Variants in CYP11B1 observed in about 807,000 individuals in gnomAD.
CYP11B1 encodes the protein cytochrome P450 11B1, mitochondrial.
A neutral mutation model predicts 48.3 loss-of-function variants in CYP11B1; 34 were observed. That is an observed-to-expected ratio of 0.70 (90% CI 0.54 to 0.94). The LOEUF is 0.94. Among genes scored for constraint, CYP11B1 ranks in the 40% least tolerant of loss-of-function variants. The pLI, the probability that CYP11B1 is intolerant of heterozygous loss-of-function variation, is 0.00. For missense variants in CYP11B1, 688 were observed against 657.4 expected, an observed-to-expected ratio of 1.05 and a Z score of -0.51; for synonymous variants, 291 against 262.5, an observed-to-expected ratio of 1.11 and a Z score of -1.05.
In CYP11B1 at chr8:142,876,882, C is replaced by T; in HGVS notation, c.599G>A (p.Ser200Asn). The T allele has an allele frequency of 6.2e-7, 1 of 1,614,204 alleles. No individual in the cohort carries two copies. The highest frequency in any genetic ancestry group is 8.5e-7 in the Non-Finnish European group (1 of 1,180,030). The change falls in exon 4 of 9, where the codon AGC (serine) becomes AAC (asparagine). Residue 200 changes from serine (S) to asparagine (N), a missense_variant. Physicochemically the swap from Ser to Asn is conservative, Grantham distance 46. Coordinates refer to ENST00000292427, the MANE Select transcript of CYP11B1 (RefSeq NM_000497.4). ...PSIFHYTIEA[S>N]NLALFGERLG... Reference sequence around the variant, plus strand: ...CCGCTCTCCAAAAAGAGCCAAGTTGCTGGCTGCGGGGAGGATGCACTGCTG... The same window carrying T: ...CCGCTCTCCAAAAAGAGCCAAGTTGTTGGCTGCGGGGAGGATGCACTGCTG...
Position 142,875,121 on chromosome 8 carries a change from G to A in CYP11B1, c.1234C>T (p.Arg412Cys), listed in dbSNP as rs754240896. 2.2e-5 allele frequency: 35 copies of A among 1,614,272 alleles called. No individual in the cohort carries two copies. The highest frequency in any genetic ancestry group is 3.0e-5 in the Non-Finnish European group (35 of 1,180,046). ...GGCCTCGGGAACAAGGCGGGGTTGC[G>A]ACCCAGAGAGTAGAGGAACACGCGC... ...LVRVFLYSLG[R>C]NPALFPRPER... The change falls in exon 8 of 9, where the codon CGC becomes TGC. Residue 412 changes from arginine (R) to cysteine (C), a missense_variant. Transcript: ENST00000292427.
chr8:142,875,954 C>T (rs888938292), intron 5 of CYP11B1, 76 bp from the exon 6 acceptor site: 5 of 1,578,462 alleles, frequency 3.2e-6, no homozygotes, highest in African/African-American at 1.3e-5. Context: ...CCAGGACAAC[C>T]TCCCTGTGAG....
chr8:142,876,181 A>C (rs1586558562), intron 5 of CYP11B1, 60 bp downstream of exon 5: 2 of 1,610,148 alleles, frequency 1.2e-6, no homozygotes, highest in African/African-American at 2.7e-5. Context: ...ATTGGCAGGC[A>C]GTGCCTGGGA....
chr8:142,876,589 G>C, intron 4 of CYP11B1, 93 bp downstream of exon 4: 2 of 1,555,738 alleles, frequency 1.3e-6, no homozygotes, highest in Non-Finnish European at 1.7e-6. Flanking sequence ...ACCCCTCCCT[G>C]TGGCCTCCAT....
At position 142,873,888 on chromosome 8, in the gene CYP11B1, G is replaced by A. The variant is rs886062737; in HGVS notation, c.*485C>T. ...CTTTCAGAGAGCTCAGGGCATGCTC[G>A]AGCTGCCTAGGGGTCAGGCTGCAGG... is the stretch of plus-strand genomic sequence containing the variant. On this transcript the variant is annotated 3_prime_UTR_variant, in exon 9 of 9. Transcript: ENST00000292427. 5.5e-5 allele frequency: 12 copies of A among 217,204 alleles called. 1 individual carries two copies. The South Asian group carries it at 1.0e-3, about 19-fold the overall frequency. The allele number at this position is 217,204 out of a possible 1,614,324, so 13.5% of individuals were successfully genotyped here. A position where few individuals can be genotyped will look rare whatever the true frequency, so the allele number is the denominator to read the frequency against.
At chr8:142,878,107 A>C (rs1042491570) in intron 2 of CYP11B1, among the ~76,000 whole-genome samples, 1 of 152,184 alleles carries the variant, frequency 6.6e-6, no homozygotes, top group Non-Finnish European at 1.5e-5. Flanking sequence ...ATGCAGGTAC[A>C]GAGAAACACA....
intron 3 of CYP11B1, 22 bp downstream of exon 3, chr8:142,877,001 G>T (rs1396202891): frequency 6.2e-7 from 1 of 1,613,008 alleles, no homozygotes; most frequent in Non-Finnish European, 8.5e-7. Flanking sequence ...TCTGAGGCTG[G>T]ATCTTCCCAC....
intron 5 of CYP11B1, 138 bp from the exon 6 acceptor site, chr8:142,876,016 T>C (rs1310153929): frequency 1.6e-6 from 2 of 1,212,960 alleles, no homozygotes; most frequent in Admixed American, 4.0e-5. Context: ...CTTCAAATCC[T>C]AATGCCCATC....
chr8:142,878,035 ACAC>A (rs1326405511), intron 2 of CYP11B1, among the ~76,000 whole-genome samples: 1 of 145,540 alleles, frequency 6.9e-6, no homozygotes, highest in Non-Finnish European at 1.5e-5. Context: ...TCGTGCACAC[ACAC>A]CACACATACA....
In CYP11B1 at chr8:142,879,184, G is replaced by A. The variant is rs9657022; in HGVS notation, c.243C>T (p.Tyr81=). 7.5e-3 allele frequency: 12,070 copies of A among 1,613,716 alleles called. 48 individuals are homozygous for A. Among genetic ancestry groups the A allele is most frequent in the Admixed American group, 9.0e-3 (537 of 59,994 alleles). ...TFQELGPIFR[Y]DLGGAGMVCV... is the part of the protein sequence containing the mutation. Reference sequence around the variant, plus strand: ...ACACCATGCCTGCTCCTCCCAAGTCGTACCTGTGGGGCCAAGCACGAGGCC... The same window carrying A: ...ACACCATGCCTGCTCCTCCCAAGTCATACCTGTGGGGCCAAGCACGAGGCC... The change falls in exon 2 of 9, where the codon TAC becomes TAT. Residue 81 remains tyrosine (Y), a synonymous_variant. Transcript: ENST00000292427.
intron 2 of CYP11B1, chr8:142,877,913 T>A (rs1209757941): frequency 8.4e-7 from 1 of 1,195,724 alleles, no homozygotes; most frequent in East Asian, 2.4e-5. Flanking sequence ...AAGATGCACA[T>A]GCTCACATGC....
At position 142,876,046 on chromosome 8, in the gene CYP11B1, C is replaced by T. The variant is rs1440356398; in HGVS notation, c.955-168G>A. The T allele has an allele frequency of 2.7e-6, 3 of 1,120,172 alleles. No individual in the cohort carries two copies. The Admixed American group carries it at 6.3e-5, about 24-fold the overall frequency. The allele number at this position is 1,120,172 out of a possible 1,614,324, so 69.4% of individuals were successfully genotyped here. A position where few individuals can be genotyped will look rare whatever the true frequency, so the allele number is the denominator to read the frequency against. On this transcript the variant is annotated intron_variant, in intron 5 of 8. Coordinates refer to ENST00000292427, the MANE Select transcript of CYP11B1 (RefSeq NM_000497.4). ...CCCATCCAAACCCCTTTCCCTGAGT[C>T]CTCCACAGAAAGGAACCCCCCATTC...
Position 142,873,427 on chromosome 8 carries a change from C to T in CYP11B1, c.*946G>A, listed in dbSNP as rs1312537684. On this transcript the variant is annotated 3_prime_UTR_variant, in exon 9 of 9. Coordinates refer to ENST00000292427, the MANE Select transcript of CYP11B1 (RefSeq NM_000497.4). The stretch of plus-strand genomic sequence containing the variant: ...GGCTAGGAGCAGATGAGGCCCAAGG[C>T]AGGTTCACGCAGGAAACTGCAGCCT... 9.2e-5 allele frequency: 14 copies of T among 152,378 alleles called. No individual in the cohort carries two copies. Among genetic ancestry groups the T allele is most frequent in the Admixed American group, 3.3e-4 (5 of 15,312 alleles). The allele number at this position is 152,378 out of a possible 1,614,324, so 9.4% of individuals were successfully genotyped here.
Position 142,875,241 on chromosome 8 carries a change from G to A in CYP11B1, c.1193C>T (p.Pro398Leu), listed in dbSNP as rs752395337. ...SDLVLQNYHI[P>L]AGTLVRVFLY... ...GGTGTGGGGCTCACTCACCCCAGCTGGGATGTGGTAGTTCTGAAGCACCAA... is the reference window on the plus strand; with the variant it reads ...GGTGTGGGGCTCACTCACCCCAGCTAGGATGTGGTAGTTCTGAAGCACCAA... Residue 398 changes from proline to leucine, a missense_variant, in exon 7 of 9, where the codon CCA becomes CTA. By Grantham distance (98) the Pro-to-Leu change is moderately conservative. Transcript: ENST00000292427. The A allele has an allele frequency of 1.9e-6, 3 of 1,613,936 alleles. No homozygotes were observed. Among genetic ancestry groups the A allele is most frequent in the African/African-American group, 1.3e-5 (1 of 74,924 alleles).
intron 4 of CYP11B1, 103 bp from the exon 5 acceptor site, chr8:142,876,498 C>T (rs61752760): frequency 6.5e-7 from 1 of 1,540,488 alleles, no homozygotes; most frequent in African/African-American, 1.4e-5. Context: ...TCTCCCTGCT[C>T]TCATCCCAAA....
chr8:142,876,783 G>T lies in CYP11B1; in HGVS notation c.698C>A (p.Ser233Tyr). The T allele has an allele frequency of 3.7e-6, 6 of 1,614,158 alleles. No homozygotes were observed. The highest frequency in any genetic ancestry group is 5.1e-6 in the Non-Finnish European group (6 of 1,180,024). The change falls in exon 4 of 9, where the codon TCC (serine) becomes TAC (tyrosine). Residue 233 changes from serine to tyrosine, a missense_variant. Ser to Tyr is a moderately radical substitution (Grantham distance 144, BLOSUM62 -2). Transcript: ENST00000292427. ...GGGCATGAACATGAGCTGGACGGTG[G>T]ATTTGAACATGACCTCCAGGGCATG... ...FLHALEVMFK[S>Y]TVQLMFMPRS...
intron 8 of CYP11B1, among the ~76,000 whole-genome samples, 153 bp from the exon 9 acceptor site, chr8:142,874,639 A>G (rs1816873536): frequency 6.6e-6 from 1 of 152,080 alleles, no homozygotes; most frequent in Admixed American, 6.5e-5. Context: ...CCCACCTTAC[A>G]GCCCAGGCCC....
In CYP11B1 at chr8:142,876,348, G is replaced by A. The variant is rs753601845; in HGVS notation, c.847C>T (p.Pro283Ser). The A allele has an allele frequency of 1.2e-6, 2 of 1,614,062 alleles. No individual in the cohort carries two copies. The highest frequency in any genetic ancestry group is 1.1e-5 in the South Asian group (1 of 91,074). The change falls in exon 5 of 9, where the codon CCT (proline) becomes TCT (serine). Residue 283 changes from proline to serine, a missense_variant. Transcript: ENST00000292427. ...GCCACGATGCTGGTGTACTGTTGAGGGCGGCTGAAGGCCAGTTCCTGATAG... is the reference window on the plus strand; with the variant it reads ...GCCACGATGCTGGTGTACTGTTGAGAGCGGCTGAAGGCCAGTTCCTGATAG... The part of the protein sequence containing the change: ...KIYQELAFSR[P>S]QQYTSIVAEL...
rs575146428 is a variant in CYP11B1 at position 142,879,415 on chromosome 8, C to T, written c.239+160G>A. 5 of 1,612,824 alleles carry T rather than the reference C, an allele frequency of 3.1e-6. No individual in the cohort carries two copies. In the Admixed American group the frequency reaches 8.3e-5, roughly 27 times the overall value. ...TGCTCTGCACCATCCCCTGCCCTGG[C>T]AGCGCCACAGACCAGCACGTGCTGC... On this transcript the variant is annotated intron_variant, in intron 1 of 8. Transcript: ENST00000292427.
Sources: gnomAD v4.1 joint callset for allele counts (sites outside exome capture counted in the v4.1 genomes callset) on GRCh38, gnomAD v4.1.1 for gene constraint, MANE v1.5 for transcripts, NCBI Gene and HGNC (gene_info 2026-07-23, HGNC 2026-07-21) for gene names.